The following BTBD2 variants were observed in gnomAD, a reference collection of about 807,000 sequenced individuals.
The protein encoded by BTBD2 is BTB domain containing 2.
In BTBD2, 15 loss-of-function variants were observed where a neutral mutation model predicts 44.0. That is an observed-to-expected ratio of 0.34 (90% CI 0.23 to 0.53). The LOEUF is 0.53. BTBD2 is among the 20% of genes least tolerant of loss of function. BTBD2 has a pLI of 0.95. For synonymous variants in BTBD2, 443 were observed against 335.9 expected (o/e 1.32, Z -3.49); for missense variants, 657 against 746.4 (o/e 0.88, Z 1.39).
In BTBD2 at chr19:1,986,926, G is replaced by A. The variant is rs763541203; in HGVS notation, c.1320C>T (p.Phe440=). Reference sequence around the variant, plus strand: ...AGGTGCTGGCTGAGCCGTCGCAGCTGAAGCCCGTGTCGTTCTGGCCCAAGA... The same window carrying A: ...AGGTGCTGGCTGAGCCGTCGCAGCTAAAGCCCGTGTCGTTCTGGCCCAAGA... ...NTVLGQNDTG[F]SCDGSASTFR... The change falls in exon 8 of 9, where the codon TTC becomes TTT. Residue 440 remains phenylalanine, a synonymous_variant. Transcript: ENST00000255608. 55 of 1,613,220 alleles carry A rather than the reference G, an allele frequency of 3.4e-5. No homozygotes were observed. Among genetic ancestry groups the A allele is most frequent in the Non-Finnish European group, 4.3e-5 (51 of 1,179,852 alleles).
In BTBD2 at chr19:1,990,184, G is replaced by C; in HGVS notation, c.808C>G (p.Leu270Val). 6.2e-7 allele frequency: 1 copy of C among 1,603,428 alleles called. No individual in the cohort carries two copies. ...CGGATGCCCAGTGTGTCGCGCTCCA[G>C]GACAGCCACCAGCGTGTCTGTGGGG... is the stretch of plus-strand genomic sequence containing the variant. ...DIDLDTLVAV[L>V]ERDTLGIREV... Residue 270 changes from leucine to valine, a missense_variant, in exon 5 of 9, where the codon CTG becomes GTG. Transcript: ENST00000255608.
chr19:1,989,428 G>A (rs1049269479), intron 5 of BTBD2: 4 of 156,778 alleles, frequency 2.6e-5, no homozygotes, highest in African/African-American at 9.6e-5. Context: ...GGGGCCGCGT[G>A]GACCTGGGGA....
In BTBD2 at chr19:1,987,222, C is replaced by T; in HGVS notation, c.1213G>A (p.Gly405Arg). ...FSVNKRIFVV[G>R]FGLYGSIHGP... ...TGGATGGATCCATACAGCCCAAATC[C>T]CACCACGAAGATGCGCTTGTTGACT... The change falls in exon 7 of 9, where the codon GGA (glycine) becomes AGA (arginine). Residue 405 changes from glycine to arginine, a missense_variant. Physicochemically the swap from Gly to Arg is moderately radical, Grantham distance 125. This residue lies in a region of BTBD2 where 449 missense variants were observed against 510.9 expected (regional missense o/e 0.88). Transcript: ENST00000255608. 1 of 1,613,824 alleles carries T rather than the reference C, an allele frequency of 6.2e-7. No individual in the cohort carries two copies. The highest frequency in any genetic ancestry group is 8.5e-7 in the Non-Finnish European group (1 of 1,179,846).
At position 1,986,025 on chromosome 19, in the gene BTBD2, A is replaced by G. The variant is rs2016074324; in HGVS notation, c.*463T>C. 6.3e-6 allele frequency: 1 copy of G among 158,126 alleles called. No homozygotes were observed. The highest frequency in any genetic ancestry group is 1.4e-5 in the Non-Finnish European group (1 of 71,688). 9.8% of individuals were successfully genotyped at this position (158,126 alleles called of 1,614,324 possible). ...CGTGTCCTGATAAACGGACAGGAAC[A>G]AAAGGAACGCAAGGTCTGGGACCCA... On this transcript the variant is annotated 3_prime_UTR_variant, in exon 9 of 9. Transcript: ENST00000255608.
rs1166421949 is a variant in BTBD2 at position 1,986,578 on chromosome 19, C to A, written c.1488G>T (p.Lys496Asn). 6.2e-7 allele frequency: 1 copy of A among 1,613,956 alleles called. No individual in the cohort carries two copies. The highest frequency in any genetic ancestry group is 1.3e-5 in the African/African-American group (1 of 74,950). ...CCGCGTAGCAAAAGGTGAAGCAGGT[C>A]TTGGCGCCCGTGGTGGGCGACTCGT... ...VTHESPTTGAKTCFTFCYAAG... is the reference protein window; with the variant it reads ...VTHESPTTGANTCFTFCYAAG... The change falls in exon 9 of 9, where the codon AAG becomes AAT. Residue 496 changes from lysine to asparagine, a missense_variant. Physicochemically the swap from Lys to Asn is moderately conservative, Grantham distance 94. Around this residue, in one of 3 missense-constraint regions of BTBD2, gnomAD observed 449 missense variants for 510.9 expected, o/e 0.88. Transcript: ENST00000255608.
Position 2,008,909 on chromosome 19 carries a change from G to C in BTBD2, c.407+6388C>G, listed in dbSNP as rs372858757. 5.3e-5 allele frequency among the ~76,000 whole-genome samples: 8 copies of C among 152,158 alleles called. No individual in the cohort carries two copies. The South Asian group carries it at 1.2e-3, about 24-fold the overall frequency. On this transcript the variant is annotated intron_variant, in intron 1 of 8. Transcript: ENST00000255608. ...CAAAGAATAAAGTTGGGAAGAATTTGGTGAGCAGTTCTCAAAACATACCAC... is the reference window on the plus strand; with the variant it reads ...CAAAGAATAAAGTTGGGAAGAATTTCGTGAGCAGTTCTCAAAACATACCAC...
intron 1 of BTBD2, among the ~76,000 whole-genome samples, 188 bp from the exon 2 acceptor site, chr19:1,997,651 G>A (rs538847977): frequency 5.3e-5 from 8 of 152,322 alleles, no homozygotes; most frequent in East Asian, 3.9e-4. Flanking sequence ...TGATGCAGAC[G>A]GACCCACGGC....
At chr19:1,998,458 C>T (rs2016280827) in intron 1 of BTBD2, among the ~76,000 whole-genome samples, 1 of 152,194 alleles carries the variant, frequency 6.6e-6, no homozygotes, top group African/African-American at 2.4e-5. Context: ...GCAGGGGTGG[C>T]CCCAGCTGGG....
chr19:1,996,161 C>T (rs1203347634), intron 2 of BTBD2, among the ~76,000 whole-genome samples: 8 of 152,178 alleles, frequency 5.3e-5, no homozygotes, highest in Non-Finnish European at 5.9e-5. Context: ...CCATTGGTCC[C>T]CACGTTCTGT....
chr19:1,997,262 C>A, intron 2 of BTBD2, 82 bp downstream of exon 2: 3 of 1,583,392 alleles, frequency 1.9e-6, no homozygotes, highest in Non-Finnish European at 2.6e-6. Flanking sequence ...GGCCTCTGAG[C>A]TGGTGTCAGA....
At chr19:1,997,217 G>T (rs2016262556) in intron 2 of BTBD2, 127 bp downstream of exon 2, 1 of 1,406,480 alleles carries the variant, frequency 7.1e-7, no homozygotes, top group Admixed American at 2.2e-5. Context: ...ACCCCTCATT[G>T]CACAGGAACG....
At chr19:2,009,279 A>G (rs1373720073) in intron 1 of BTBD2, among the ~76,000 whole-genome samples, 3 of 150,934 alleles carry the variant, frequency 2.0e-5, no homozygotes, top group Admixed American at 6.6e-5. Context: ...GCTCACTGCA[A>G]CCTCCGCCTC....
chr19:2,015,592 G>T lies in BTBD2; in HGVS notation c.112C>A (p.Pro38Thr). The change falls in exon 1 of 9, where the codon CCC becomes ACC. Residue 38 changes from proline (P) to threonine (T), a missense_variant. Coordinates refer to ENST00000255608, the MANE Select transcript of BTBD2 (RefSeq NM_017797.4). ...GCGGCGGCGGCGGCCGCGTTGCCGG[G>T]GGCCGGGGTGGCGGCGGCGTTGGCG... ...PSANAAATPA[P>T]GNAAAAAAAA... 1.0e-6 allele frequency: 1 copy of T among 968,228 alleles called. No homozygotes were observed. Among genetic ancestry groups the T allele is most frequent in the Non-Finnish European group, 1.2e-6 (1 of 820,900 alleles). The allele number at this position is 968,228 out of a possible 1,614,324, so 60.0% of individuals were successfully genotyped here. A position where few individuals can be genotyped will look rare whatever the true frequency, so the allele number is the denominator to read the frequency against.
At chr19:2,009,983 G>A (rs1281108050) in intron 1 of BTBD2, among the ~76,000 whole-genome samples, 2 of 134,038 alleles carry the variant, frequency 1.5e-5, no homozygotes, top group Non-Finnish European at 1.6e-5. Context: ...GTGAAACCCC[G>A]TCTCTACTAA....
chr19:2,004,595 C>A (rs1286983788), intron 1 of BTBD2, among the ~76,000 whole-genome samples: 1 of 151,716 alleles, frequency 6.6e-6, no homozygotes. Context: ...CCGCCCCCGG[C>A]CAGGCAAAAT....
chr19:1,989,421 G>A (rs747465956), intron 5 of BTBD2: 6 of 156,332 alleles, frequency 3.8e-5, no homozygotes, highest in African/African-American at 9.6e-5. Context: ...AAGAGCGGGG[G>A]CCGCGTGGAC....
In BTBD2 at chr19:1,986,937, C is replaced by T. The variant is rs753518835; in HGVS notation, c.1309G>A (p.Asp437Asn). 5.0e-6 allele frequency: 8 copies of T among 1,613,286 alleles called. No homozygotes were observed. The highest frequency in any genetic ancestry group is 5.9e-6 in the Non-Finnish European group (7 of 1,179,816). Residue 437 changes from aspartate (D) to asparagine (N), a missense_variant, in exon 8 of 9, where the codon GAC (aspartate) becomes AAC (asparagine). This residue lies in a region of BTBD2 where 449 missense variants were observed against 510.9 expected (regional missense o/e 0.88). Coordinates refer to ENST00000255608, the MANE Select transcript of BTBD2 (RefSeq NM_017797.4). The stretch of plus-strand genomic sequence containing the variant: ...GAGCCGTCGCAGCTGAAGCCCGTGT[C>T]GTTCTGGCCCAAGACGGTGTTGCTA... ...TDSNTVLGQN[D>N]TGFSCDGSAS...
rs190892113 is a variant in BTBD2 at position 2,001,279 on chromosome 19, G to T, written c.408-3816C>A. On this transcript the variant is annotated intron_variant, in intron 1 of 8. Transcript: ENST00000255608. Reference sequence around the variant, plus strand: ...TTGGGGGGCCGAGGCAGTGGATCACGAGGTCAGGAGATCAAGACCATCCTG... The same window carrying T: ...TTGGGGGGCCGAGGCAGTGGATCACTAGGTCAGGAGATCAAGACCATCCTG... Among the ~76,000 whole-genome samples, 8 of 152,030 alleles carry T rather than the reference G, an allele frequency of 5.3e-5. No individual in the cohort carries two copies. In the East Asian group the frequency reaches 1.5e-3, roughly 29 times the overall value.
chr19:1,997,452 G>A lies in BTBD2; in HGVS notation c.419C>T (p.Ala140Val). The A allele has an allele frequency of 1.2e-6, 2 of 1,614,068 alleles. No homozygotes were observed. The highest frequency in any genetic ancestry group is 1.7e-6 in the Non-Finnish European group (2 of 1,180,006). Reference sequence around the variant, plus strand: ...GGCATCAAAGACGGCGCTGCCCACGGCCAGCACGAACCTGGTACGGGAGAG... The same window carrying A: ...GGCATCAAAGACGGCGCTGCCCACGACCAGCACGAACCTGGTACGGGAGAG... ...QRIPAHRFVL[A>V]VGSAVFDAMF... Residue 140 changes from alanine (A) to valine (V), a missense_variant, in exon 2 of 9, where the codon GCC becomes GTC. Ala to Val is a moderately conservative substitution (Grantham distance 64). Transcript: ENST00000255608.
Sources: gnomAD v4.1 joint callset for allele counts (sites outside exome capture counted in the v4.1 genomes callset) on GRCh38, gnomAD v4.1.1 for gene constraint, gnomAD v4.1.1 regional missense constraint, MANE v1.5 for transcripts, NCBI Gene and HGNC (gene_info 2026-07-23, HGNC 2026-07-21) for gene names.